The following TXLNB variants were observed in gnomAD, a reference collection of about 807,000 sequenced individuals.
TXLNB encodes the protein beta-taxilin.
In TXLNB, 37 loss-of-function variants were observed where a neutral mutation model predicts 57.4. That is an observed-to-expected ratio of 0.64 (90% CI 0.50 to 0.85). The LOEUF (loss-of-function observed/expected upper bound fraction) is 0.85. TXLNB is among the 40% of genes least tolerant of loss of function. TXLNB has a pLI of 0.00. For missense variants in TXLNB, 848 were observed against 825.6 expected (o/e 1.03, Z -0.33); for synonymous variants, 302 against 309.6 (o/e 0.98, Z 0.26).
intron 2 of TXLNB, among the ~76,000 whole-genome samples, chr6:139,280,083 C>A (rs1464892268): frequency 6.6e-6 from 1 of 151,690 alleles, no homozygotes; most frequent in African/African-American, 2.4e-5. Flanking sequence ...TGAAACCCTG[C>A]CTCTTCTAAA....
chr6:139,252,932 C>G (rs1209772087), intron 7 of TXLNB, among the ~76,000 whole-genome samples: 1 of 152,196 alleles, frequency 6.6e-6, no homozygotes, highest in African/African-American at 2.4e-5. Flanking sequence ...GTGGAGCTTG[C>G]AGTGAGCTGA....
At chr6:139,200,573 G>T in the TXLNB span, among the ~76,000 whole-genome samples, 13 of 152,182 alleles carry the variant, frequency 8.5e-5, no homozygotes, top group African/African-American at 3.1e-4. Context: ...TGAGTCAGGA[G>T]GTAAGAGATG....
chr6:139,256,194 TC>T (rs1315336541), intron 6 of TXLNB, among the ~76,000 whole-genome samples: 1 of 152,188 alleles, frequency 6.6e-6, no homozygotes, highest in Non-Finnish European at 1.5e-5. Context: ...CAAGTATGAA[TC>T]ACAAAAAATT....
the TXLNB span, among the ~76,000 whole-genome samples, chr6:139,190,835 T>C: frequency 2.0e-5 from 3 of 152,294 alleles, no homozygotes; most frequent in African/African-American, 4.8e-5. Flanking sequence ...AGCCATCACC[T>C]TGGGGCTTAG....
chr6:139,208,533 A>G, the TXLNB span, among the ~76,000 whole-genome samples: 2 of 152,206 alleles, frequency 1.3e-5, no homozygotes, highest in African/African-American at 4.8e-5. Flanking sequence ...CATAGATGCA[A>G]AAATCCTCAA....
the TXLNB span, among the ~76,000 whole-genome samples, chr6:139,219,581 A>G: frequency 6.6e-6 from 1 of 152,212 alleles, no homozygotes; most frequent in African/African-American, 2.4e-5. Flanking sequence ...GAATGTGACC[A>G]TGAGACTGGA....
At chr6:139,209,709 A>C in the TXLNB span, among the ~76,000 whole-genome samples, 1 of 152,224 alleles carries the variant, frequency 6.6e-6, no homozygotes, top group Admixed American at 6.5e-5. Context: ...CTTATACAAA[A>C]ATCAACTCAG....
At chr6:139,302,744 A>G in the TXLNB span, among the ~76,000 whole-genome samples, 4 of 151,504 alleles carry the variant, frequency 2.6e-5, no homozygotes, top group African/African-American at 9.7e-5. Context: ...AGATCGCACC[A>G]TTGCCCTCCA....
rs1357519171 is a variant in TXLNB at position 139,242,623 on chromosome 6, T to C, written c.1958A>G (p.Gln653Arg). The C allele has an allele frequency of 6.2e-7, 1 of 1,600,004 alleles. No homozygotes were observed. Among genetic ancestry groups the C allele is most frequent in the African/African-American group, 1.3e-5 (1 of 74,118 alleles). ...CTCCTCTGCTGCTGCTCGTGGGGGC[T>C]GCCTACTGGGCTCGCATGCAGGCAC... ...AMVPACEPSR[Q>R]PPRAAAEELP... is the part of the protein sequence containing the mutation. The change falls in exon 10 of 10, where the codon CAG becomes CGG. Residue 653 changes from glutamine to arginine, a missense_variant. Gln to Arg is a conservative substitution (Grantham distance 43). Coordinates refer to ENST00000358430, the MANE Select transcript of TXLNB (RefSeq NM_153235.4).
At chr6:139,304,019 A>G in the TXLNB span, among the ~76,000 whole-genome samples, 2 of 152,182 alleles carry the variant, frequency 1.3e-5, no homozygotes, top group Non-Finnish European at 2.9e-5. Flanking sequence ...AGACATAAGA[A>G]CCTGCCTAAA....
Position 139,276,898 on chromosome 6 carries a change from G to T in TXLNB, c.448C>A (p.Gln150Lys). Residue 150 changes from glutamine to lysine, a missense_variant, in exon 3 of 10, where the codon CAA (glutamine) becomes AAA (lysine). Transcript: ENST00000358430. ...GGTGTTTGCAACTTGTTCAGATTTT[G>T]CATTAGCAGGTTGGCTTCTTTGCCT... ...GLGKEANLLMQNLNKLQTPEE... is the reference protein window; with the variant it reads ...GLGKEANLLMKNLNKLQTPEE... The T allele has an allele frequency of 6.3e-7, 1 of 1,591,632 alleles. No homozygotes were observed. Among genetic ancestry groups the T allele is most frequent in the African/African-American group, 1.4e-5 (1 of 71,796 alleles).
the TXLNB span, among the ~76,000 whole-genome samples, chr6:139,312,896 T>G: frequency 5.9e-4 from 90 of 152,308 alleles, no homozygotes; most frequent in African/African-American, 1.8e-3. Context: ...AATCTTACCC[T>G]TGTTTACTAT....
At chr6:139,230,869 A>G in the TXLNB span, among the ~76,000 whole-genome samples, 2 of 152,208 alleles carry the variant, frequency 1.3e-5, no homozygotes, top group African/African-American at 2.4e-5. Context: ...AGCTAGCCAC[A>G]TGACTCAAAT....
the TXLNB span, among the ~76,000 whole-genome samples, chr6:139,184,592 TCA>T: frequency 7.9e-6 from 1 of 125,836 alleles, no homozygotes. Flanking sequence ...GGTGACGTTT[TCA>T]CAGTCTACAC....
chr6:139,167,435 T>C, the TXLNB span: 2 of 899,096 alleles, frequency 2.2e-6, no homozygotes, highest in Non-Finnish European at 3.3e-6. Context: ...TTTTTTGTTC[T>C]AGTCAGGTGC....
intron 9 of TXLNB, among the ~76,000 whole-genome samples, chr6:139,243,667 C>T (rs895450367): frequency 1.2e-4 from 19 of 152,028 alleles, no homozygotes; most frequent in African/African-American, 3.4e-4. Context: ...GCAAGACTTG[C>T]GGCAAGATAA....
At chr6:139,214,245 C>A in the TXLNB span, among the ~76,000 whole-genome samples, 1 of 152,140 alleles carries the variant, frequency 6.6e-6, no homozygotes, top group African/African-American at 2.4e-5. Context: ...CACTGGCAAA[C>A]TGAATCCAGC....
chr6:139,276,742 C>T (rs770681356), intron 3 of TXLNB, 88 bp downstream of exon 3: 83 of 954,892 alleles, frequency 8.7e-5, no homozygotes, highest in Middle Eastern at 2.1e-4. Flanking sequence ...AATTCATTCT[C>T]GGATTGGCAG....
chr6:139,261,332 T>C (rs1347969865), intron 5 of TXLNB, among the ~76,000 whole-genome samples: 2 of 152,188 alleles, frequency 1.3e-5, no homozygotes, highest in African/African-American at 4.8e-5. Flanking sequence ...TATGACAAGA[T>C]AAAATGGTAG....
Sources: allele counts gnomAD v4.1 joint callset (sites outside exome capture counted in the v4.1 genomes callset), GRCh38; gene constraint gnomAD v4.1.1; transcripts MANE v1.5; gene names NCBI Gene and HGNC (gene_info 2026-07-23, HGNC 2026-07-21).